Variants in MMS22L observed in about 807,000 individuals in gnomAD.
MMS22L encodes protein MMS22-like.
MMS22L carries 74 observed loss-of-function variants against 159.1 expected under a neutral mutation model. The observed-to-expected ratio is 0.47, with a 90% CI of 0.39 to 0.56. MMS22L has a LOEUF of 0.56. Among genes scored for constraint, MMS22L ranks in the 20% least tolerant of loss-of-function variants. MMS22L has a pLI of 0.00. For synonymous variants in MMS22L, 517 were observed against 506.9 expected, an observed-to-expected ratio of 1.02 and a Z score of -0.27; for missense variants, 1,351 against 1,422.1, an observed-to-expected ratio of 0.95 and a Z score of 0.80.
At chr6:97,272,657 G>A (rs748485971) in intron 6 of MMS22L, 47 bp downstream of exon 6, 6 of 1,502,646 alleles carry the variant, frequency 4.0e-6, no homozygotes, top group Non-Finnish European at 4.6e-6. Flanking sequence ...TACTCCTTGT[G>A]GGGAGAAAAA....
At chr6:97,278,817 T>G in intron 4 of MMS22L, 32 bp downstream of exon 4, 1 of 1,593,556 alleles carries the variant, frequency 6.3e-7, no homozygotes, top group Non-Finnish European at 8.6e-7. Context: ...GAAGCACCAT[T>G]CCCTTTTGCA....
Position 97,181,975 on chromosome 6 carries a change from T to C in MMS22L, c.2313A>G (p.Gln771=), listed in dbSNP as rs201532893. The C allele has an allele frequency of 8.7e-5, 141 of 1,613,712 alleles. No homozygotes were observed. Among genetic ancestry groups the C allele is most frequent in the African/African-American group, 7.6e-4 (57 of 75,018 alleles). The change falls in exon 16 of 25, where the codon CAA becomes CAG. Residue 771 remains glutamine (Q), a synonymous_variant. Coordinates refer to ENST00000683635, the MANE Select transcript of MMS22L (RefSeq NM_001350599.2). ...FQPQPVISII[Q]LFGWDDIICP... is the part of the protein sequence containing the mutation. Reference sequence around the variant, plus strand: ...AGATGATATCATCCCAACCAAAAAGTTGAATAATTGATATAACTGGCTGAG... The same window carrying C: ...AGATGATATCATCCCAACCAAAAAGCTGAATAATTGATATAACTGGCTGAG...
In MMS22L at chr6:97,263,395, T is replaced by G. The variant is rs773727180; in HGVS notation, c.882A>C (p.Lys294Asn). The G allele has an allele frequency of 1.5e-5, 24 of 1,594,514 alleles. No individual in the cohort carries two copies. The highest frequency in any genetic ancestry group is 2.0e-5 in the Non-Finnish European group (24 of 1,174,124). Residue 294 changes from lysine (K) to asparagine (N), a missense_variant, in exon 9 of 25, where the codon AAA becomes AAC. Physicochemically the swap from Lys to Asn is moderately conservative, Grantham distance 94. Transcript: ENST00000683635. ...MSDQCPCLCI[K>N]ELWVLLIHLL... The stretch of plus-strand genomic sequence containing the variant: ...GATGAATAAGTAGAACCCATAATTC[T>G]TTAATGCATAAACATGGACACTGGT...
chr6:97,218,053 G>C lies in MMS22L; in HGVS notation c.2039+10841C>G, dbSNP rs138397824. Reference sequence around the variant, plus strand: ...TAAAGGCTCAAAGGACCCACTTGCTGCACCTGTTTCCATAGTTCAGTGGAA... The same window carrying C: ...TAAAGGCTCAAAGGACCCACTTGCTCCACCTGTTTCCATAGTTCAGTGGAA... On this transcript the variant is annotated intron_variant, in intron 14 of 24. Transcript: ENST00000683635. Among the ~76,000 whole-genome samples the C allele has an allele frequency of 7.9e-5, 12 of 152,228 alleles. No individual in the cohort carries two copies. In the East Asian group the frequency reaches 2.3e-3, roughly 29 times the overall value.
At chr6:97,242,030 T>C (rs192342087) in intron 11 of MMS22L, among the ~76,000 whole-genome samples, 1 of 152,214 alleles carries the variant, frequency 6.6e-6, no homozygotes, top group African/African-American at 2.4e-5. Flanking sequence ...ATATGGTCTA[T>C]CTTGGAGAAT....
At chr6:97,261,999 G>A (rs1388510200) in intron 9 of MMS22L, 3 of 152,092 alleles carry the variant, frequency 2.0e-5, no homozygotes, top group Non-Finnish European at 2.9e-5. Flanking sequence ...AAAACACACA[G>A]ACGCAATTTT....
chr6:97,213,173 A>G (rs1808583527), intron 14 of MMS22L, among the ~76,000 whole-genome samples: 1 of 152,084 alleles, frequency 6.6e-6, no homozygotes, highest in African/African-American at 2.4e-5. Context: ...TTGGGAGGCC[A>G]AGGTGGGCAG....
chr6:97,211,117 T>A (rs1008339105), intron 14 of MMS22L, among the ~76,000 whole-genome samples: 4 of 152,014 alleles, frequency 2.6e-5, no homozygotes, highest in African/African-American at 9.7e-5. Context: ...CAAAAAACAT[T>A]TGCTGAATTA....
At chr6:97,246,860 GA>G (rs921419663) in intron 10 of MMS22L, among the ~76,000 whole-genome samples, 170 bp from the exon 11 acceptor site, 1 of 151,788 alleles carries the variant, frequency 6.6e-6, no homozygotes, top group African/African-American at 2.4e-5. Context: ...AAACTTGGCA[GA>G]AAAAAATGTA....
intron 9 of MMS22L, chr6:97,260,619 C>G (rs973091102): frequency 6.6e-6 from 1 of 152,184 alleles, no homozygotes; most frequent in African/African-American, 2.4e-5. Context: ...CAAACTAATT[C>G]AATCTACAGT....
chr6:97,159,757 A>G (rs1015969043), intron 22 of MMS22L, among the ~76,000 whole-genome samples: 1 of 151,926 alleles, frequency 6.6e-6, no homozygotes, highest in Admixed American at 6.6e-5. Context: ...CCTTCAGGCT[A>G]CATGTTTAAG....
At chr6:97,216,605 A>C (rs1276871425) in intron 14 of MMS22L, among the ~76,000 whole-genome samples, 1 of 152,210 alleles carries the variant, frequency 6.6e-6, no homozygotes, top group Non-Finnish European at 1.5e-5. Flanking sequence ...AATGGGATTT[A>C]CCAGTCTTCA....
rs139268591 is a variant in MMS22L, at chr6:97,149,569, C to T, written c.3650+284G>A. ...CTTCCCAATGAGGAACACTGAAATG[C>T]GTTTTGAGCAACAGCAGCACTGCTG... On this transcript the variant is annotated intron_variant, in intron 24 of 24. Transcript: ENST00000683635. Among the ~76,000 whole-genome samples, 8 of 152,250 alleles carry T rather than the reference C, an allele frequency of 5.3e-5. No individual in the cohort carries two copies. The South Asian group carries it at 8.3e-4, about 16-fold the overall frequency.
Position 97,267,967 on chromosome 6 carries a change from C to A in MMS22L, c.733G>T (p.Ala245Ser), listed in dbSNP as rs1331182239. The A allele has an allele frequency of 6.2e-7, 1 of 1,602,198 alleles. No homozygotes were observed. ...VVYGHQFMNL[A>S]SDNLTNISLF... ...CTGATGTTGGTTAAATTGTCACTTG[C>A]CAGATTCATAAACTGATGACCATAT... Residue 245 changes from alanine (A) to serine (S), a missense_variant, in exon 8 of 25, where the codon GCA becomes TCA. Ala to Ser is a moderately conservative substitution (Grantham distance 99). Coordinates refer to ENST00000683635, the MANE Select transcript of MMS22L (RefSeq NM_001350599.2).
intron 14 of MMS22L, among the ~76,000 whole-genome samples, chr6:97,206,738 A>T (rs1187020964): frequency 6.6e-6 from 1 of 152,138 alleles, no homozygotes; most frequent in African/African-American, 2.4e-5. Context: ...AATACCATCT[A>T]AACATGGCTA....
At chr6:97,157,775 A>AT (rs918632837) in intron 22 of MMS22L, among the ~76,000 whole-genome samples, 23 of 151,600 alleles carry the variant, frequency 1.5e-4, no homozygotes, top group Admixed American at 9.2e-4. Context: ...TTGATCTAAA[A>AT]TTTTTTTTTG....
In MMS22L at chr6:97,269,955, A is replaced by T. The variant is rs753315406; in HGVS notation, c.644T>A (p.Leu215Ter). ...TTCTAGCACCAGCCAATGTATATCC[A>T]AGTGGAGATGTAATAAATGCCATGA... ...PPSWHLLHLH[L>*]DIHWLVLEIL... The change falls in exon 7 of 25, where the codon TTG (leucine) becomes TAG (stop). Residue 215 changes from leucine (L) to a stop codon, truncating the protein, a stop_gained. Transcript: ENST00000683635. LOFTEE classifies it high-confidence loss of function. 6.2e-7 allele frequency: 1 copy of T among 1,612,746 alleles called. No individual in the cohort carries two copies. The highest frequency in any genetic ancestry group is 1.1e-5 in the South Asian group (1 of 90,720).
At chr6:97,236,739 C>G (rs1413798424) in intron 11 of MMS22L, among the ~76,000 whole-genome samples, 1 of 152,044 alleles carries the variant, frequency 6.6e-6, no homozygotes, top group Non-Finnish European at 1.5e-5. Context: ...ATCACCAGGT[C>G]AGGAGATCGA....
At chr6:97,202,913 C>G (rs1807331475) in intron 14 of MMS22L, among the ~76,000 whole-genome samples, 1 of 152,142 alleles carries the variant, frequency 6.6e-6, no homozygotes, top group Admixed American at 6.5e-5. Context: ...AAGATGACTA[C>G]TGGTCATTAA....
Sources: gnomAD v4.1 joint callset for allele counts (sites outside exome capture counted in the v4.1 genomes callset) on GRCh38, gnomAD v4.1.1 for gene constraint, MANE v1.5 for transcripts, NCBI Gene and HGNC (gene_info 2026-07-23, HGNC 2026-07-21) for gene names.